The following SYNE3 variants were observed in gnomAD, a reference collection of about 807,000 sequenced individuals.
The protein encoded by SYNE3 is nesprin-3.
A neutral mutation model predicts 111.2 loss-of-function variants in SYNE3; 100 were observed. The observed-to-expected ratio is 0.90, with a 90% CI of 0.77 to 1.06. The LOEUF is 1.06. SYNE3 is among the 50% of genes least tolerant of loss of function. The pLI is 0.00. For synonymous variants in SYNE3, 547 were observed against 533.9 expected, an observed-to-expected ratio of 1.02 and a Z score of -0.34; for missense variants, 1,160 against 1,240.3, an observed-to-expected ratio of 0.94 and a Z score of 0.97.
intron 1 of SYNE3, among the ~76,000 whole-genome samples, chr14:95,491,528 A>T (rs990143161): frequency 2.6e-5 from 4 of 152,202 alleles, no homozygotes; most frequent in African/African-American, 9.6e-5. Flanking sequence ...CCACATGAAA[A>T]AGAATGAGAT....
intron 2 of SYNE3, among the ~76,000 whole-genome samples, chr14:95,471,690 A>G (rs1253900110): frequency 5.3e-5 from 8 of 152,194 alleles, no homozygotes. Flanking sequence ...GGCTGGTGTG[A>G]GATTCTTTTA....
rs534384549 is a variant in SYNE3 at position 95,455,575 on chromosome 14, G to A, written c.939C>T (p.Arg313=). 2.7e-5 allele frequency: 43 copies of A among 1,614,138 alleles called. No individual in the cohort carries two copies. Among genetic ancestry groups the A allele is most frequent in the African/African-American group, 2.7e-5 (2 of 75,054 alleles). Residue 313 remains arginine, a synonymous_variant, in exon 6 of 18, where the codon CGC becomes CGT. Coordinates refer to ENST00000682763, the MANE Select transcript of SYNE3 (RefSeq NM_152592.6). ...GCTCCTCCTCCTCCTCCCAGAGGGC[G>A]CGCAGCTTCTCCAGAACTTTCCTCA... ...EEMRKVLEKL[R]ALWEEEEERL... is the part of the protein sequence containing the mutation.
chr14:95,445,519 T>C (rs1388084070), intron 9 of SYNE3, among the ~76,000 whole-genome samples: 1 of 152,268 alleles, frequency 6.6e-6, no homozygotes, highest in African/African-American at 2.4e-5. Context: ...TGATGTAGTG[T>C]AGTCATTTTG....
At chr14:95,492,038 C>G (rs78660870) in intron 1 of SYNE3, among the ~76,000 whole-genome samples, 1 of 152,228 alleles carries the variant, frequency 6.6e-6, no homozygotes, top group African/African-American at 2.4e-5. Context: ...CTCAACATCA[C>G]TAGCCATCAG....
chr14:95,443,040 A>T (rs914207943), intron 11 of SYNE3, 115 bp downstream of exon 11: 12 of 1,340,732 alleles, frequency 9.0e-6, no homozygotes, highest in East Asian at 2.4e-5. Context: ...AGGGAGAAAG[A>T]AAAAAGAGAG....
chr14:95,494,974 T>C (rs1235804714), intron 1 of SYNE3, among the ~76,000 whole-genome samples: 2 of 151,974 alleles, frequency 1.3e-5, no homozygotes, highest in Non-Finnish European at 2.9e-5. Context: ...CAGTTGGGCG[T>C]GGTGGCAGGC....
chr14:95,442,755 C>G (rs561956503), intron 11 of SYNE3, among the ~76,000 whole-genome samples: 4 of 152,354 alleles, frequency 2.6e-5, no homozygotes, highest in Admixed American at 2.0e-4. Flanking sequence ...CTGCAAGGGA[C>G]CCGAGGCCGC....
intron 17 of SYNE3, among the ~76,000 whole-genome samples, chr14:95,421,871 C>A (rs1885146124): frequency 6.6e-6 from 1 of 152,218 alleles, no homozygotes; most frequent in Non-Finnish European, 1.5e-5. Flanking sequence ...ATGCTCATTG[C>A]CCTTCTTTCT....
intron 4 of SYNE3, among the ~76,000 whole-genome samples, chr14:95,463,419 C>T (rs1232686111): frequency 6.6e-6 from 1 of 152,228 alleles, no homozygotes; most frequent in Non-Finnish European, 1.5e-5. Flanking sequence ...CAAACATGCA[C>T]ACACACCCAT....
chr14:95,475,826 C>T lies in SYNE3; in HGVS notation c.-5G>A, dbSNP rs1888855056. 3 of 1,529,524 alleles carry T rather than the reference C, an allele frequency of 2.0e-6. No homozygotes were observed. The South Asian group carries it at 3.9e-5, about 20-fold the overall frequency. 94.7% of individuals were successfully genotyped at this position (1,529,524 alleles called of 1,614,324 possible). A position where few individuals can be genotyped will look rare whatever the true frequency, so the allele number is the denominator to read the frequency against. On this transcript the variant is annotated 5_prime_UTR_variant, in exon 2 of 18. In the 5' UTR this introduces an upstream ATG that the reference lacks. Coordinates refer to ENST00000682763, the MANE Select transcript of SYNE3 (RefSeq NM_152592.6). ...GTCCTGGGGCTGCTGAGTCATGGCA[C>T]CTGCAGGGGCTGAAGAAAGGGCCAC...
intron 4 of SYNE3, among the ~76,000 whole-genome samples, chr14:95,461,815 A>T (rs1440021099): frequency 6.6e-6 from 1 of 152,214 alleles, no homozygotes; most frequent in African/African-American, 2.4e-5. Context: ...GGTCTTCATC[A>T]AGCTTTCAGA....
rs1008862769 is a variant in SYNE3, at chr14:95,443,466, C to A, written c.1777-177G>T. Reference sequence around the variant, plus strand: ...ACATGGCTGGTCTGATGGGCCCACTCTCAGGGCTGGAGAGATTTTAAAAAT... The same window carrying A: ...ACATGGCTGGTCTGATGGGCCCACTATCAGGGCTGGAGAGATTTTAAAAAT... On this transcript the variant is annotated intron_variant, in intron 10 of 17. Transcript: ENST00000682763. Among the ~76,000 whole-genome samples, 7 of 152,180 alleles carry A rather than the reference C, an allele frequency of 4.6e-5. No individual in the cohort carries two copies. In the East Asian group the frequency reaches 5.8e-4, roughly 13 times the overall value.
At chr14:95,488,213 G>T (rs544387113) in intron 1 of SYNE3, among the ~76,000 whole-genome samples, 23 of 152,288 alleles carry the variant, frequency 1.5e-4, no homozygotes, top group African/African-American at 4.8e-4. Flanking sequence ...TTTCAAGTGT[G>T]CAAGGGCCTG....
chr14:95,428,501 G>C lies in SYNE3; in HGVS notation c.2727+3578C>G, dbSNP rs1009814116. On this transcript the variant is annotated intron_variant, in intron 17 of 17. Transcript: ENST00000682763. ...CTACTGTCAGGTCACACAACATCTG[G>C]GTCTATATTCCAAGAGCCCACATAT... 2.6e-5 allele frequency among the ~76,000 whole-genome samples: 4 copies of C among 152,222 alleles called. 1 individual carries two copies. The highest frequency in any genetic ancestry group is 1.9e-4 in the East Asian group (1 of 5,184).
chr14:95,416,208 C>T lies in SYNE3; in HGVS notation c.*1618G>A, dbSNP rs1037550245. The stretch of plus-strand genomic sequence containing the variant: ...GTCCTAGTTGCCTAGGACCCGGGTC[C>T]CCAAGGGCAGAGCTCACAGTGAAAG... On this transcript the variant is annotated 3_prime_UTR_variant, in exon 18 of 18. Transcript: ENST00000682763. The T allele has an allele frequency of 1.3e-5, 2 of 152,094 alleles. No homozygotes were observed. The highest frequency in any genetic ancestry group is 2.9e-5 in the Non-Finnish European group (2 of 68,018). 9.4% of individuals were successfully genotyped at this position (152,094 alleles called of 1,614,324 possible).
In SYNE3 at chr14:95,409,626, T is replaced by G. The variant is rs758901735; in HGVS notation, c.*8200A>C. ...TGACTGTGCTTTAAGGCCCTGAACA[T>G]CCTGCTGAACCATTTGCTTTTAGAC... On this transcript the variant is annotated 3_prime_UTR_variant, in exon 18 of 18. Transcript: ENST00000682763. The G allele has an allele frequency of 1.7e-5, 6 of 352,832 alleles. No individual in the cohort carries two copies. Among genetic ancestry groups the G allele is most frequent in the Non-Finnish European group, 2.8e-5 (5 of 177,474 alleles). 21.9% of individuals were successfully genotyped at this position (352,832 alleles called of 1,614,324 possible). A position where few individuals can be genotyped will look rare whatever the true frequency, so the allele number is the denominator to read the frequency against.
At chr14:95,446,852 C>G (rs970625574) in intron 8 of SYNE3, among the ~76,000 whole-genome samples, 1 of 152,200 alleles carries the variant, frequency 6.6e-6, no homozygotes, top group Admixed American at 6.5e-5. Flanking sequence ...ACTCTTCTTG[C>G]CCCCAAAGCC....
Position 95,466,211 on chromosome 14 carries a change from C to G in SYNE3, c.347G>C (p.Ser116Thr). Residue 116 changes from serine (S) to threonine (T), a missense_variant, in exon 4 of 18, where the codon AGC (serine) becomes ACC (threonine). Physicochemically the swap from Ser to Thr is moderately conservative, Grantham distance 58. Coordinates refer to ENST00000682763, the MANE Select transcript of SYNE3 (RefSeq NM_152592.6). ...CTCATCTCGGGCCAGCAGGTACTCG[C>G]TCCAGTGCAGCCACACCCACTCGAT... The part of the protein sequence containing the change: ...SRIEWVWLHW[S>T]EYLLARDEFY... 1 of 1,585,576 alleles carries G rather than the reference C, an allele frequency of 6.3e-7. No individual in the cohort carries two copies. Among genetic ancestry groups the G allele is most frequent in the Non-Finnish European group, 8.6e-7 (1 of 1,158,132 alleles).
chr14:95,476,127 G>GCAATTC (rs1293676305), intron 1 of SYNE3, among the ~76,000 whole-genome samples: 2 of 152,228 alleles, frequency 1.3e-5, no homozygotes, highest in African/African-American at 4.8e-5. Flanking sequence ...AGGCCCGGAG[G>GCAATTC]CAATTCTCGT....
Sources: gnomAD v4.1 joint callset for allele counts (sites outside exome capture counted in the v4.1 genomes callset) on GRCh38, gnomAD v4.1.1 for gene constraint, MANE v1.5 for transcripts, NCBI Gene and HGNC (gene_info 2026-07-23, HGNC 2026-07-21) for gene names.